COL27A1: variants seen among roughly 807,000 people sequenced by gnomAD.
COL27A1 encodes collagen alpha-1(XXVII) chain.
A neutral mutation model predicts 251.3 loss-of-function variants in COL27A1; 106 were observed. The ratio of observed to expected loss-of-function variants is 0.42; its 90% CI spans 0.36 to 0.50. The LOEUF is 0.50. Ranked by LOEUF, COL27A1 falls within the 20% of genes least tolerant of loss-of-function variation. COL27A1 has a pLI of 0.00. For missense variants in COL27A1, 2,325 were observed against 2,522.8 expected, an observed-to-expected ratio of 0.92 and a Z score of 1.68; for synonymous variants, 1,000 against 986.3, an observed-to-expected ratio of 1.01 and a Z score of -0.26.
At chr9:114,170,182 C>A (rs1285739802) in intron 3 of COL27A1, among the ~76,000 whole-genome samples, 32 of 152,194 alleles carry the variant, frequency 2.1e-4, no homozygotes, top group Admixed American at 2.1e-3. Context: ...CTGCCTGGCA[C>A]CTGCAGGGGT....
At chr9:114,279,415 T>A (rs1835769676) in intron 37 of COL27A1, among the ~76,000 whole-genome samples, 1 of 152,190 alleles carries the variant, frequency 6.6e-6, no homozygotes, top group Non-Finnish European at 1.5e-5. Context: ...GGTGTTTTAT[T>A]ACCGGAGGAG....
rs1827625506 is a variant in COL27A1 at position 114,178,309 on chromosome 9, GGGCTA to G, written c.1928_1932del (p.Gly643AlafsTer48). ...TCCTCAGGGTCCCCCTGGGCTACCTGGGCTACCTGGAATCCCTGGTGCACGTGGGC... is the reference window on the plus strand; with the variant it reads ...TCCTCAGGGTCCCCCTGGGCTACCTGCCTGGAATCCCTGGTGCACGTGGGC... On this transcript the variant is annotated frameshift_variant, in exon 4 of 61. Transcript: ENST00000356083. LOFTEE classifies it high-confidence loss of function. The G allele has an allele frequency of 1.2e-6, 2 of 1,614,038 alleles. No homozygotes were observed. The highest frequency in any genetic ancestry group is 2.2e-5 in the South Asian group (2 of 91,060).
chr9:114,155,976 C>T lies in COL27A1; in HGVS notation c.26C>T (p.Ala9Val), dbSNP rs1848093002. 4 of 1,291,068 alleles carry T rather than the reference C, an allele frequency of 3.1e-6. No homozygotes were observed. The highest frequency in any genetic ancestry group is 3.0e-6 in the Non-Finnish European group (3 of 1,016,602). 80.0% of individuals were successfully genotyped at this position (1,291,068 alleles called of 1,614,324 possible). A position where few individuals can be genotyped will look rare whatever the true frequency, so the allele number is the denominator to read the frequency against. ...ATGGGAGCGGGATCGGCGCGGGGGG[C>T]CCGAGGCACAGCGGCGGCGGCGGCG... MGAGSARGARGTAAAAAAR... is the reference protein window; with the variant it reads MGAGSARGVRGTAAAAAAR... The change falls in exon 1 of 61, where the codon GCC (alanine) becomes GTC (valine). Residue 9 changes from alanine to valine, a missense_variant. Ala to Val is a moderately conservative substitution (Grantham distance 64, BLOSUM62 0). Transcript: ENST00000356083. The surrounding 1 kb of genome is among the most constrained non-coding windows in gnomAD (Gnocchi z 5.5).
chr9:114,230,972 G>T (rs1035912384), intron 14 of COL27A1, 107 bp from the exon 15 acceptor site: 7 of 828,210 alleles, frequency 8.5e-6, no homozygotes, highest in African/African-American at 1.7e-5. Flanking sequence ...ACAGAGTTGC[G>T]TCTTTGGAAG....
At position 114,306,706 on chromosome 9, in the gene COL27A1, C is replaced by A; in HGVS notation, c.5107+18C>A. ...GGTGGATGGTGAGAAGGCTTCCTGC[C>A]GGGGGTGGGTGCGCCTGGCGGTGGG... On this transcript the variant is annotated intron_variant, in intron 58 of 60. Transcript: ENST00000356083. 1 of 1,608,094 alleles carries A rather than the reference C, an allele frequency of 6.2e-7. No individual in the cohort carries two copies. The highest frequency in any genetic ancestry group is 8.5e-7 in the Non-Finnish European group (1 of 1,177,428).
At position 114,292,120 on chromosome 9, in the gene COL27A1, C is replaced by T. The variant is rs145117909; in HGVS notation, c.4494C>T (p.Pro1498=). Residue 1498 remains proline (P), a synonymous_variant, in exon 49 of 61, where the codon CCC becomes CCT. Transcript: ENST00000356083. The part of the protein sequence containing the change: ...PPGFKGESGL[P]GQLGPPGKRG... ...TCTTTAAGGGTGAGAGTGGGTTACC[C>T]GGACAGCTGGGTCCCCCTGGCAAGC... The T allele has an allele frequency of 1.7e-4, 264 of 1,558,194 alleles. No individual in the cohort carries two copies. Among genetic ancestry groups the T allele is most frequent in the Middle Eastern group, 6.6e-4 (4 of 6,020 alleles).
At chr9:114,169,748 C>T (rs369672864) in intron 3 of COL27A1, among the ~76,000 whole-genome samples, 23 of 152,330 alleles carry the variant, frequency 1.5e-4, no homozygotes, top group Admixed American at 2.6e-4. Flanking sequence ...GGTCCAAGCC[C>T]GTTCTTTGCT....
At chr9:114,252,559 C>A in intron 25 of COL27A1, 34 bp from the exon 26 acceptor site, 1 of 1,606,688 alleles carries the variant, frequency 6.2e-7, no homozygotes, top group Non-Finnish European at 8.5e-7. Context: ...ACAGCCATAG[C>A]CGTGACCTGC....
At chr9:114,275,805 G>A (rs887385388) in intron 37 of COL27A1, 37 bp downstream of exon 37, 2 of 1,399,396 alleles carry the variant, frequency 1.4e-6, no homozygotes, top group Admixed American at 2.1e-5. Context: ...CTGGAGCTCT[G>A]GGGTACCCTG....
chr9:114,225,566 G>A (rs980403916), intron 14 of COL27A1, among the ~76,000 whole-genome samples: 1 of 152,110 alleles, frequency 6.6e-6, no homozygotes. Flanking sequence ...TCTGTGCCTG[G>A]GGAAAAAAAC....
At chr9:114,196,141 A>C (rs915099472) in intron 7 of COL27A1, 129 bp downstream of exon 7, 1 of 820,512 alleles carries the variant, frequency 1.2e-6, no homozygotes. Flanking sequence ...CACAGGGTAC[A>C]TGGGTGAGAG....
rs561573290 is a variant in COL27A1 at position 114,246,427 on chromosome 9, A to G, written c.2979+517A>G. Among the ~76,000 whole-genome samples the G allele has an allele frequency of 1.8e-4, 28 of 152,346 alleles. 1 individual carries two copies. The highest frequency in any genetic ancestry group is 5.8e-4 in the African/African-American group (24 of 41,576). On this transcript the variant is annotated intron_variant, in intron 24 of 60. Transcript: ENST00000356083. Reference sequence around the variant, plus strand: ...GAGGTTGCAACTAGTCATTAAAATGAAGGTTTGAGGATCACGACCTTCAAT... The same window carrying G: ...GAGGTTGCAACTAGTCATTAAAATGGAGGTTTGAGGATCACGACCTTCAAT...
Position 114,167,954 on chromosome 9 carries a change from C to A in COL27A1, c.399C>A (p.Gly133=), listed in dbSNP as rs140539074. Residue 133 remains glycine, a synonymous_variant, in exon 3 of 61, where the codon GGC becomes GGA. Transcript: ENST00000356083. ...KLQLGLQFLP[G]KTVVHLGSRR... The stretch of plus-strand genomic sequence containing the variant: ...AGCTGGGCCTGCAGTTCCTCCCCGG[C>A]AAGACGGTCGTCCACCTCGGGTCCC... 48 of 1,608,356 alleles carry A rather than the reference C, an allele frequency of 3.0e-5. No individual in the cohort carries two copies. In the African/African-American group the frequency reaches 5.7e-4, roughly 19 times the overall value.
At chr9:114,306,860 G>A (rs985187828) in intron 58 of COL27A1, among the ~76,000 whole-genome samples, 172 bp downstream of exon 58, 9 of 152,170 alleles carry the variant, frequency 5.9e-5, no homozygotes, top group African/African-American at 1.7e-4. Context: ...ACCAAGATCC[G>A]CATGCTGGGG....
chr9:114,170,456 C>T (rs946575430), intron 3 of COL27A1, among the ~76,000 whole-genome samples: 2 of 152,064 alleles, frequency 1.3e-5, no homozygotes, highest in African/African-American at 4.8e-5. Flanking sequence ...GTGTGGTGGC[C>T]TCTCTCTCTC....
intron 24 of COL27A1, among the ~76,000 whole-genome samples, chr9:114,248,871 T>A (rs886615804): frequency 6.6e-6 from 1 of 152,230 alleles, no homozygotes; most frequent in African/African-American, 2.4e-5. Flanking sequence ...ACAGAGCAGT[T>A]TTTATTCCCT....
At chr9:114,166,699 G>A (rs1848914466) in intron 2 of COL27A1, among the ~76,000 whole-genome samples, 1 of 152,226 alleles carries the variant, frequency 6.6e-6, no homozygotes, top group Non-Finnish European at 1.5e-5. Flanking sequence ...GCCAACACTG[G>A]CAGCTCAGCT....
chr9:114,268,451 G>A (rs1834894728), intron 34 of COL27A1, among the ~76,000 whole-genome samples: 1 of 152,116 alleles, frequency 6.6e-6, no homozygotes, highest in Non-Finnish European at 1.5e-5. Flanking sequence ...TTTATGCAGG[G>A]GGCAGGTGAC....
chr9:114,227,034 C>T (rs975675756), intron 14 of COL27A1, among the ~76,000 whole-genome samples: 16 of 152,242 alleles, frequency 1.1e-4, no homozygotes, highest in Admixed American at 2.0e-4. Context: ...ATGCCAGTGG[C>T]GGGCATGGCA....
Sources: allele counts gnomAD v4.1 joint callset (sites outside exome capture counted in the v4.1 genomes callset), GRCh38; gene constraint gnomAD v4.1.1; non-coding constraint Gnocchi (gnomAD v3.1); transcripts MANE v1.5; gene names NCBI Gene and HGNC (gene_info 2026-07-23, HGNC 2026-07-21).